The following DLGAP1 variants were observed in gnomAD, a reference collection of about 807,000 sequenced individuals.
DLGAP1 encodes the protein disks large-associated protein 1.
A neutral mutation model predicts 90.8 loss-of-function variants in DLGAP1; 11 were observed. The ratio of observed to expected loss-of-function variants is 0.12; its 90% confidence interval spans 0.08 to 0.20. The LOEUF is 0.20. Among genes scored for constraint, DLGAP1 ranks in the 10% least tolerant of loss-of-function variants. The pLI, the probability that DLGAP1 is intolerant of heterozygous loss-of-function variation, is 1.00. For missense variants in DLGAP1, 1,050 were observed against 1,333.8 expected, an observed-to-expected ratio of 0.79 and a Z score of 3.31; for synonymous variants, 558 against 540.7, an observed-to-expected ratio of 1.03 and a Z score of -0.44.
intron 7 of DLGAP1, chr18:3,604,497 C>T (rs1051912548): frequency 3.9e-5 from 6 of 152,166 alleles, no homozygotes; most frequent in Non-Finnish European, 8.8e-5. Context: ...TCGGGCATTT[C>T]TCAAGTGGTG....
At chr18:3,642,273 C>T (rs371975394) in intron 7 of DLGAP1, among the ~76,000 whole-genome samples, 3 of 152,194 alleles carry the variant, frequency 2.0e-5, no homozygotes, top group Non-Finnish European at 4.4e-5. Context: ...TATTCTTACT[C>T]GTTGAGCATC....
At chr18:3,865,404 TG>T (rs2070322317) in intron 4 of DLGAP1, among the ~76,000 whole-genome samples, 1 of 152,154 alleles carries the variant, frequency 6.6e-6, no homozygotes, top group African/African-American at 2.4e-5. Context: ...TCCACTGACA[TG>T]AAATAATGTC....
chr18:3,945,325 G>A (rs1415194827), intron 3 of DLGAP1, among the ~76,000 whole-genome samples: 2 of 152,204 alleles, frequency 1.3e-5, no homozygotes, highest in Non-Finnish European at 2.9e-5. Flanking sequence ...CCTAGGCAAA[G>A]TATGAAACAT....
intron 1 of DLGAP1, among the ~76,000 whole-genome samples, chr18:4,328,220 T>C (rs2080868208): frequency 6.6e-6 from 1 of 152,044 alleles, no homozygotes; most frequent in Non-Finnish European, 1.5e-5. Context: ...AACCTGTTTT[T>C]TTCCTCGCTC....
intron 1 of DLGAP1, among the ~76,000 whole-genome samples, chr18:4,385,151 C>T (rs907639663): frequency 7.9e-5 from 12 of 152,160 alleles, no homozygotes; most frequent in Admixed American, 6.6e-4. Flanking sequence ...GACTTACTGA[C>T]ACTAACAGCT....
chr18:3,664,012 T>C (rs1047251629), intron 7 of DLGAP1, among the ~76,000 whole-genome samples: 9 of 152,100 alleles, frequency 5.9e-5, no homozygotes, highest in Non-Finnish European at 1.5e-5. Context: ...GGGACATCAG[T>C]CTTCTCTTCC....
At chr18:3,718,858 G>T (rs1423541479) in intron 7 of DLGAP1, among the ~76,000 whole-genome samples, 1 of 150,798 alleles carries the variant, frequency 6.6e-6, no homozygotes, top group African/African-American at 2.4e-5. Flanking sequence ...CCCGGGAGGT[G>T]GAGGTTGCAG....
At chr18:4,420,171 T>C (rs2082996427) in intron 1 of DLGAP1, among the ~76,000 whole-genome samples, 1 of 152,218 alleles carries the variant, frequency 6.6e-6, no homozygotes, top group African/African-American at 2.4e-5. Flanking sequence ...ACCCTAGAGC[T>C]TTAAAAGATG....
chr18:3,740,458 C>T (rs942778230), intron 6 of DLGAP1, among the ~76,000 whole-genome samples: 7 of 152,054 alleles, frequency 4.6e-5, no homozygotes, highest in Admixed American at 4.6e-4. Flanking sequence ...ACTGAAATCC[C>T]ACATGACAGC....
At chr18:3,690,193 C>T (rs2060847030) in intron 7 of DLGAP1, among the ~76,000 whole-genome samples, 1 of 148,448 alleles carries the variant, frequency 6.7e-6, no homozygotes, top group African/African-American at 2.5e-5. Context: ...CTTAAGTGAT[C>T]CTCCCACTTC....
At chr18:4,308,705 A>C (rs779965765) in intron 1 of DLGAP1, among the ~76,000 whole-genome samples, 1 of 152,226 alleles carries the variant, frequency 6.6e-6, no homozygotes, top group Admixed American at 6.5e-5. Flanking sequence ...ATTGAGACTC[A>C]AGTAGGAAAG....
intron 1 of DLGAP1, among the ~76,000 whole-genome samples, chr18:4,418,381 A>G (rs1249142088): frequency 6.6e-6 from 1 of 152,222 alleles, no homozygotes; most frequent in African/African-American, 2.4e-5. Context: ...ACCAGACTCA[A>G]CTATGACACA....
intron 9 of DLGAP1, among the ~76,000 whole-genome samples, chr18:3,567,026 C>T (rs372897631): frequency 6.6e-5 from 10 of 151,676 alleles, no homozygotes; most frequent in Admixed American, 2.6e-4. Context: ...AGGATAATGA[C>T]AGGGAATATC....
In DLGAP1 at chr18:4,026,521, G is replaced by GA. The variant is rs1426492643; in HGVS notation, c.-158-21321dup. ...TAGGGGTTGGATGTTACCAAAGGGTGAAAAAAAAGAAGAGTCGAGAGAATA... is the reference window on the plus strand; with the variant it reads ...TAGGGGTTGGATGTTACCAAAGGGTGAAAAAAAAAGAAGAGTCGAGAGAATA... On this transcript the variant is annotated intron_variant, in intron 2 of 12. Coordinates refer to ENST00000315677, the MANE Select transcript of DLGAP1 (RefSeq NM_004746.4). 6.6e-5 allele frequency among the ~76,000 whole-genome samples: 10 copies of GA among 151,840 alleles called. No homozygotes were observed. The South Asian group carries it at 8.3e-4, about 13-fold the overall frequency.
rs530366247 is a variant in DLGAP1 at position 3,548,033 on chromosome 18, T to C, written c.2058-13418A>G. ...TGTATGATTCAATTTATAAGAAATA[T>C]CTAGAAGAGGCAAGTCCATAGAGAC... On this transcript the variant is annotated intron_variant, in intron 9 of 12. Coordinates refer to ENST00000315677, the MANE Select transcript of DLGAP1 (RefSeq NM_004746.4). 3.3e-5 allele frequency among the ~76,000 whole-genome samples: 5 copies of C among 152,196 alleles called. No individual in the cohort carries two copies. The South Asian group carries it at 1.0e-3, about 32-fold the overall frequency.
At chr18:3,647,169 G>A (rs2059152045) in intron 7 of DLGAP1, among the ~76,000 whole-genome samples, 1 of 151,684 alleles carries the variant, frequency 6.6e-6, no homozygotes, top group East Asian at 1.9e-4. Flanking sequence ...CAGGAGAATC[G>A]CTTGAACCTG....
intron 1 of DLGAP1, among the ~76,000 whole-genome samples, chr18:4,183,496 A>G (rs1166661310): frequency 6.6e-6 from 1 of 152,190 alleles, no homozygotes; most frequent in Non-Finnish European, 1.5e-5. Flanking sequence ...TGAAGGTACA[A>G]GCCACTTTAT....
chr18:3,596,215 A>G (rs1300816212), intron 7 of DLGAP1, among the ~76,000 whole-genome samples: 3 of 151,806 alleles, frequency 2.0e-5, no homozygotes, highest in Non-Finnish European at 4.4e-5. Flanking sequence ...GCTGGGGTGC[A>G]GTGGTGCGAT....
rs1455380736 is a variant in DLGAP1, at chr18:3,879,494, T to C, written c.575A>G (p.Lys192Arg). ...GCCCGGGGAGGTGCTGGGCCGGGCC[T>C]TGGGCTCCGCGCGCCGCTCCTTGCT... ...SKSKERRAEP[K>R]ARPSTSPGWW... Residue 192 changes from lysine (K) to arginine (R), a missense_variant, in exon 4 of 13, where the codon AAG (lysine) becomes AGG (arginine). Around this residue, in one of 2 missense-constraint regions of DLGAP1, gnomAD observed 485 missense variants for 454.1 expected, o/e 1.07. Transcript: ENST00000315677. This position sits in a 1 kb window ranked among gnomAD's most constrained non-coding sequence, Gnocchi z 6.6. 1.2e-6 allele frequency: 2 copies of C among 1,604,196 alleles called. No homozygotes were observed. Among genetic ancestry groups the C allele is most frequent in the East Asian group, 4.5e-5 (2 of 44,866 alleles).
Sources: gnomAD v4.1 joint callset for allele counts (sites outside exome capture counted in the v4.1 genomes callset) on GRCh38, gnomAD v4.1.1 for gene constraint, gnomAD v4.1.1 regional missense constraint, Gnocchi (gnomAD v3.1) non-coding constraint, MANE v1.5 for transcripts, NCBI Gene and HGNC (gene_info 2026-07-23, HGNC 2026-07-21) for gene names.